Variants in DRAXIN observed in about 807,000 individuals in gnomAD.
DRAXIN encodes the protein dorsal repulsive axon guidance protein.
In DRAXIN, 27 loss-of-function variants were observed where a neutral mutation model predicts 33.9. The observed-to-expected ratio is 0.80, with a 90% CI of 0.59 to 1.10. DRAXIN has a LOEUF of 1.10. Ranked by LOEUF, DRAXIN falls within the 50% of genes least tolerant of loss-of-function variation. The probability of loss-of-function intolerance (pLI) is 0.00; values close to 1 mark genes in which losing one functional copy is unlikely to be tolerated. For missense variants in DRAXIN, 371 were observed against 460.8 expected (o/e 0.81, Z 1.78); for synonymous variants, 178 against 194.0 (o/e 0.92, Z 0.69).
rs559224116 is a variant in DRAXIN at position 11,696,985 on chromosome 1, G to A, written c.-11+5132G>A. On this transcript the variant is annotated intron_variant, in intron 1 of 6. Transcript: ENST00000294485. This position sits in a 1 kb window ranked among gnomAD's most constrained non-coding sequence, Gnocchi z 4.7. Reference sequence around the variant, plus strand: ...CGTGAGGCAGAAGTTGCAGTGAGCCGAGATCGTGCCATTGCACTCCAGCCT... The same window carrying A: ...CGTGAGGCAGAAGTTGCAGTGAGCCAAGATCGTGCCATTGCACTCCAGCCT... Among the ~76,000 whole-genome samples the A allele has an allele frequency of 1.1e-4, 16 of 150,824 alleles. No individual in the cohort carries two copies. Among genetic ancestry groups the A allele is most frequent in the Admixed American group, 2.6e-4 (4 of 15,152 alleles).
upstream of DRAXIN, among the ~76,000 whole-genome samples, chr1:11,689,689 C>G (rs1388717629): frequency 6.6e-6 from 1 of 152,192 alleles, no homozygotes; most frequent in Admixed American, 6.5e-5. Context: ...AATGGGCAAC[C>G]AGCAACCCTT....
rs1048524988 is a variant in DRAXIN at position 11,704,290 on chromosome 1, G to T, written c.-10-1959G>T. Among the ~76,000 whole-genome samples, 2 of 152,212 alleles carry T rather than the reference G, an allele frequency of 1.3e-5. No individual in the cohort carries two copies. Among genetic ancestry groups the T allele is most frequent in the Non-Finnish European group, 2.9e-5 (2 of 68,038 alleles). ...GCAGGGCTGGGTCTCGGACATGGACGGGATCCCATATGCGCTTGGCCTTTC... is the reference window on the plus strand; with the variant it reads ...GCAGGGCTGGGTCTCGGACATGGACTGGATCCCATATGCGCTTGGCCTTTC... On this transcript the variant is annotated intron_variant, in intron 1 of 6. Transcript: ENST00000294485. This position sits in a 1 kb window ranked among gnomAD's most constrained non-coding sequence, Gnocchi z 4.6.
At chr1:11,714,746 C>T (rs1261314624) in intron 5 of DRAXIN, among the ~76,000 whole-genome samples, 1 of 152,256 alleles carries the variant, frequency 6.6e-6, no homozygotes, top group Non-Finnish European at 1.5e-5. Context: ...TCAGTTTCCC[C>T]ATCTGTCAAA....
At chr1:11,712,096 A>G in intron 4 of DRAXIN, 131 bp downstream of exon 4, 2 of 946,078 alleles carry the variant, frequency 2.1e-6, no homozygotes, top group Admixed American at 2.1e-5. Flanking sequence ...GGAGAGGGGG[A>G]GCATGGAGCC....
upstream of DRAXIN, among the ~76,000 whole-genome samples, chr1:11,689,538 G>C (rs1641023812): frequency 1.3e-5 from 2 of 152,106 alleles, no homozygotes; most frequent in South Asian, 2.1e-4. Flanking sequence ...GGAGGTTGCA[G>C]TGAGCTGAGA....
upstream of DRAXIN, among the ~76,000 whole-genome samples, chr1:11,687,126 C>T (rs567121627): frequency 5.3e-5 from 8 of 152,194 alleles, no homozygotes; most frequent in South Asian, 2.1e-4. This position sits in a 1 kb window ranked among gnomAD's most constrained non-coding sequence, Gnocchi z 4.1. Flanking sequence ...AGTGCAGTGA[C>T]GCAATCACAG....
intron 1 of DRAXIN, among the ~76,000 whole-genome samples, chr1:11,699,143 C>G (rs577757254): frequency 6.6e-6 from 1 of 152,190 alleles, no homozygotes; most frequent in South Asian, 2.1e-4. Context: ...CTCAGGCTCC[C>G]TTGGCAGACA....
chr1:11,688,413 T>C (rs1349297244), upstream of DRAXIN, among the ~76,000 whole-genome samples: 1 of 151,950 alleles, frequency 6.6e-6, no homozygotes, highest in Non-Finnish European at 1.5e-5. This position sits in a 1 kb window ranked among gnomAD's most constrained non-coding sequence, Gnocchi z 4.6. Flanking sequence ...TACAAAAAAT[T>C]AGCCAGGCAT....
Position 11,723,781 on chromosome 1 carries a change from TGG to T in DRAXIN, c.*4088_*4089del. 1 of 152,094 alleles carries T rather than the reference TGG, an allele frequency of 6.6e-6. No individual in the cohort carries two copies. 9.4% of individuals were successfully genotyped at this position (152,094 alleles called of 1,614,324 possible). A position where few individuals can be genotyped will look rare whatever the true frequency, so the allele number is the denominator to read the frequency against. The stretch of plus-strand genomic sequence containing the variant: ...TTACTGTTTGTATTTTTAGTAGAGA[TGG>T]GGTTTCACCATGTTGGCCAGGCTGG... On this transcript the variant is annotated 3_prime_UTR_variant, in exon 7 of 7. Coordinates refer to ENST00000294485, the MANE Select transcript of DRAXIN (RefSeq NM_198545.4).
intron 2 of DRAXIN, among the ~76,000 whole-genome samples, chr1:11,707,545 C>T (rs188609171): frequency 7.2e-4 from 110 of 152,286 alleles, no homozygotes; most frequent in African/African-American, 2.3e-3. Context: ...GTTAGTGGGG[C>T]GCTTGGAGCT....
intron 1 of DRAXIN, among the ~76,000 whole-genome samples, chr1:11,699,107 A>G (rs865845243): frequency 1.8e-4 from 28 of 152,254 alleles, no homozygotes; most frequent in Middle Eastern, 3.4e-3. Flanking sequence ...CAGATGGAGG[A>G]GTCTTATCGT....
chr1:11,720,184 C>A lies in DRAXIN; in HGVS notation c.*488C>A, dbSNP rs115264162. The stretch of plus-strand genomic sequence containing the variant: ...TTTTCAAGTAGGCATTATCACCATG[C>A]GACAGGTTGAGGACCGTGAGGCACG... On this transcript the variant is annotated 3_prime_UTR_variant, in exon 7 of 7. Transcript: ENST00000294485. The A allele has an allele frequency of 2.0e-3, 326 of 161,060 alleles. 1 individual carries two copies. Among genetic ancestry groups the A allele is most frequent in the African/African-American group, 7.3e-3 (307 of 41,970 alleles). 10.0% of individuals were successfully genotyped at this position (161,060 alleles called of 1,614,324 possible).
At position 11,721,538 on chromosome 1, in the gene DRAXIN, C is replaced by A; in HGVS notation, c.*1842C>A. ...TGTTTACTGCGTTGGAAAAATCAGTCGGGGTCAGGGGTCAGGCACCAAGGA... is the reference window on the plus strand; with the variant it reads ...TGTTTACTGCGTTGGAAAAATCAGTAGGGGTCAGGGGTCAGGCACCAAGGA... On this transcript the variant is annotated 3_prime_UTR_variant, in exon 7 of 7. Coordinates refer to ENST00000294485, the MANE Select transcript of DRAXIN (RefSeq NM_198545.4). 6.6e-6 allele frequency: 1 copy of A among 152,322 alleles called. No individual in the cohort carries two copies. The highest frequency in any genetic ancestry group is 1.5e-5 in the Non-Finnish European group (1 of 68,066). 9.4% of individuals were successfully genotyped at this position (152,322 alleles called of 1,614,324 possible).
rs533096998 is a variant in DRAXIN at position 11,722,321 on chromosome 1, C to G, written c.*2625C>G. The G allele has an allele frequency of 2.6e-5, 4 of 152,192 alleles. No homozygotes were observed. The highest frequency in any genetic ancestry group is 5.9e-5 in the Non-Finnish European group (4 of 68,078). The allele number at this position is 152,192 out of a possible 1,614,324, so 9.4% of individuals were successfully genotyped here. ...GCTGGGGGACAGCTGTTAGATGGTC[C>G]TAGGACATCAGCCATGGAGAACACA... On this transcript the variant is annotated 3_prime_UTR_variant, in exon 7 of 7. Coordinates refer to ENST00000294485, the MANE Select transcript of DRAXIN (RefSeq NM_198545.4).
rs1179084467 is a variant in DRAXIN, at chr1:11,720,122, C to T, written c.*426C>T. 5 of 177,972 alleles carry T rather than the reference C, an allele frequency of 2.8e-5. No individual in the cohort carries two copies. Among genetic ancestry groups the T allele is most frequent in the African/African-American group, 4.6e-5 (2 of 43,122 alleles). The allele number at this position is 177,972 out of a possible 1,614,324, so 11.0% of individuals were successfully genotyped here. On this transcript the variant is annotated 3_prime_UTR_variant, in exon 7 of 7. Transcript: ENST00000294485. ...TATGTACCAGGCACTGTGCTAAGTG[C>T]TGGAATACATTATCTCATTGAATTA...
upstream of DRAXIN, among the ~76,000 whole-genome samples, chr1:11,687,806 T>G (rs985986649): frequency 1.3e-5 from 2 of 152,218 alleles, no homozygotes; most frequent in African/African-American, 4.8e-5. This position sits in a 1 kb window ranked among gnomAD's most constrained non-coding sequence, Gnocchi z 4.1. Context: ...GATACTTCAT[T>G]CCTTCGTAGA....
intron 1 of DRAXIN, among the ~76,000 whole-genome samples, chr1:11,695,430 A>C (rs2100729169): frequency 6.6e-6 from 1 of 151,902 alleles, no homozygotes; most frequent in East Asian, 1.9e-4. Flanking sequence ...AAAAAAAGAT[A>C]CAAAAATTAG....
Position 11,723,896 on chromosome 1 carries a change from G to C in DRAXIN, c.*4200G>C, listed in dbSNP as rs1208238212. 1 of 152,138 alleles carries C rather than the reference G, an allele frequency of 6.6e-6. No individual in the cohort carries two copies. Among genetic ancestry groups the C allele is most frequent in the Non-Finnish European group, 1.5e-5 (1 of 68,020 alleles). The allele number at this position is 152,138 out of a possible 1,614,324, so 9.4% of individuals were successfully genotyped here. On this transcript the variant is annotated 3_prime_UTR_variant, in exon 7 of 7. Transcript: ENST00000294485. ...GCATGAGCCAGCATGCCTGGCCTGT[G>C]AACGCAGAATTCTTATAAGGTGTTT...
At chr1:11,702,028 C>G (rs931728044) in intron 1 of DRAXIN, among the ~76,000 whole-genome samples, 2 of 152,136 alleles carry the variant, frequency 1.3e-5, no homozygotes, top group Non-Finnish European at 2.9e-5. Context: ...TGCACACAGT[C>G]CACACCCATG....
Sources: allele counts gnomAD v4.1 joint callset (sites outside exome capture counted in the v4.1 genomes callset), GRCh38; gene constraint gnomAD v4.1.1; non-coding constraint Gnocchi (gnomAD v3.1); transcripts MANE v1.5; gene names NCBI Gene and HGNC (gene_info 2026-07-23, HGNC 2026-07-21).